Variants in ARHGAP8 observed in about 807,000 individuals in gnomAD.
ARHGAP8 encodes the protein Rho GTPase activating protein 8.
ARHGAP8 carries 62 observed loss-of-function variants against 46.1 expected under a neutral mutation model. The observed-to-expected ratio is 1.34, with a 90% confidence interval of 1.10 to 1.66. ARHGAP8 has a LOEUF of 1.66. Among genes scored for constraint, ARHGAP8 ranks in the 40% most tolerant of loss-of-function variants. The pLI is 0.00. For missense variants in ARHGAP8, 923 were observed against 568.4 expected (o/e 1.62, Z -6.34); for synonymous variants, 375 against 243.1 (o/e 1.54, Z -5.05).
At chr22:44,858,912 T>C in intron 10 of ARHGAP8, among the ~76,000 whole-genome samples, 1 of 151,600 alleles carries the variant, frequency 6.6e-6, no homozygotes, top group Non-Finnish European at 1.5e-5. Context: ...TGTTAGGCTT[T>C]GTGGGCCTTG....
intron 4 of ARHGAP8, chr22:44,809,431 C>G: frequency 2.8e-6 from 1 of 351,672 alleles, no homozygotes; most frequent in Non-Finnish European, 5.6e-6. Context: ...ATGACCGTTT[C>G]TTCACTAAAG....
intron 7 of ARHGAP8, among the ~76,000 whole-genome samples, chr22:44,833,096 CTTT>C (rs533794156): frequency 2.5e-5 from 3 of 120,422 alleles, no homozygotes; most frequent in African/African-American, 5.9e-5. Context: ...CTTTTCTTTT[CTTT>C]TTTTTTTTTT....
At chr22:44,853,854 C>G (rs535241331) in intron 10 of ARHGAP8, among the ~76,000 whole-genome samples, 1 of 151,686 alleles carries the variant, frequency 6.6e-6, no homozygotes, top group East Asian at 2.0e-4. Flanking sequence ...ATGGAGAAAT[C>G]CCATCTCTAC....
intron 1 of ARHGAP8, among the ~76,000 whole-genome samples, chr22:44,771,717 G>C (rs1013164982): frequency 6.6e-6 from 1 of 150,766 alleles, no homozygotes; most frequent in Admixed American, 6.6e-5. Context: ...AACACGCCTG[G>C]CTAATTTTTG....
intron 4 of ARHGAP8, among the ~76,000 whole-genome samples, chr22:44,811,699 T>C (rs1470418879): frequency 6.6e-6 from 1 of 152,154 alleles, no homozygotes; most frequent in African/African-American, 2.4e-5. Flanking sequence ...GCTAGAGGTA[T>C]GCGAGTGGTG....
At chr22:44,778,826 C>A (rs759548250) in intron 1 of ARHGAP8, among the ~76,000 whole-genome samples, 1 of 152,080 alleles carries the variant, frequency 6.6e-6, no homozygotes, top group East Asian at 1.9e-4. Context: ...TTCATTTCTG[C>A]CCCCAGTTCT....
At chr22:44,848,226 G>C (rs1172666159) in intron 9 of ARHGAP8, among the ~76,000 whole-genome samples, 176 bp downstream of exon 9, 1 of 152,256 alleles carries the variant, frequency 6.6e-6, no homozygotes, top group Non-Finnish European at 1.5e-5. Context: ...GTAGTCCAGA[G>C]TGGGGACCTT....
At chr22:44,802,611 G>A (rs1043421154) in intron 3 of ARHGAP8, among the ~76,000 whole-genome samples, 7 of 152,160 alleles carry the variant, frequency 4.6e-5, no homozygotes, top group Admixed American at 4.6e-4. Flanking sequence ...CACATGCTTG[G>A]CAACTTAAAA....
At chr22:44,808,649 TTTC>T (rs749550184) in intron 4 of ARHGAP8, 215 of 885,820 alleles carry the variant, frequency 2.4e-4, no homozygotes, top group South Asian at 6.0e-4. Flanking sequence ...CATTTTTTTT[TTTC>T]TTTCTTTCTT....
intron 3 of ARHGAP8, among the ~76,000 whole-genome samples, chr22:44,807,897 G>T (rs146907159): frequency 1.3e-5 from 2 of 152,118 alleles, no homozygotes; most frequent in African/African-American, 4.8e-5. Flanking sequence ...TCTCATCTTC[G>T]TGTCTGCCTT....
Position 44,862,534 on chromosome 22 carries a change from C to G in ARHGAP8, c.1241C>G (p.Thr414Arg), listed in dbSNP as rs148880070. The G allele has an allele frequency of 6.2e-7, 1 of 1,609,052 alleles. No individual in the cohort carries two copies. ...GAGGCTGTGCCACGGACACAAGCCACGGGCCTCACCAAGCCTACCCTACCT... is the reference window on the plus strand; with the variant it reads ...GAGGCTGTGCCACGGACACAAGCCAGGGGCCTCACCAAGCCTACCCTACCT... ...LQEAVPRTQA[T>R]GLTKPTLPPS... The change falls in exon 12 of 12, where the codon ACG (threonine) becomes AGG (arginine). Residue 414 changes from threonine to arginine, a missense_variant. Coordinates refer to ENST00000356099, the MANE Select transcript of ARHGAP8 (RefSeq NM_181335.3).
intron 11 of ARHGAP8, among the ~76,000 whole-genome samples, chr22:44,860,286 C>G (rs142153706): frequency 0.012 from 1,895 of 152,246 alleles, 39 homozygotes; most frequent in African/African-American, 0.043. Flanking sequence ...AACAGATTTA[C>G]TGTGTCACTC....
chr22:44,853,331 A>T (rs1166922859), intron 10 of ARHGAP8, among the ~76,000 whole-genome samples: 1 of 152,098 alleles, frequency 6.6e-6, no homozygotes, highest in African/African-American at 2.4e-5. Flanking sequence ...GATTTCTCTG[A>T]AGTTTATATC....
chr22:44,857,192 G>A (rs142120485), intron 10 of ARHGAP8, among the ~76,000 whole-genome samples: 1 of 149,422 alleles, frequency 6.7e-6, no homozygotes, highest in Non-Finnish European at 1.5e-5. Flanking sequence ...CACCCACCTC[G>A]GCCTCTGAAA....
chr22:44,776,179 A>G (rs1602158901), intron 1 of ARHGAP8, among the ~76,000 whole-genome samples: 1 of 152,138 alleles, frequency 6.6e-6, no homozygotes, highest in African/African-American at 2.4e-5. Flanking sequence ...AGCCAGGCGC[A>G]GTGGCTCACA....
At chr22:44,804,285 CCTT>C (rs1404695473) in intron 3 of ARHGAP8, among the ~76,000 whole-genome samples, 4 of 152,188 alleles carry the variant, frequency 2.6e-5, no homozygotes, top group Non-Finnish European at 4.4e-5. Flanking sequence ...CACCGAGCCT[CCTT>C]CCTGGTGAAA....
chr22:44,773,871 C>A (rs1458363932), intron 1 of ARHGAP8, among the ~76,000 whole-genome samples: 1 of 152,224 alleles, frequency 6.6e-6, no homozygotes, highest in African/African-American at 2.4e-5. Flanking sequence ...GCATGACCCA[C>A]CACACCCAGC....
chr22:44,817,197 A>G (rs1174111820), intron 5 of ARHGAP8, among the ~76,000 whole-genome samples: 1 of 152,126 alleles, frequency 6.6e-6, no homozygotes, highest in East Asian at 1.9e-4. Context: ...TTCTTTTCTT[A>G]TCAGCTCCCA....
intron 7 of ARHGAP8, among the ~76,000 whole-genome samples, chr22:44,838,788 C>A (rs1167326955): frequency 6.6e-6 from 1 of 152,172 alleles, no homozygotes; most frequent in East Asian, 1.9e-4. Context: ...CTCACTGGGC[C>A]CATTTGTTCA....
Sources: gnomAD v4.1 joint callset for allele counts (sites outside exome capture counted in the v4.1 genomes callset) on GRCh38, gnomAD v4.1.1 for gene constraint, MANE v1.5 for transcripts, NCBI Gene and HGNC (gene_info 2026-07-23, HGNC 2026-07-21) for gene names.